SERP2: variants seen among roughly 807,000 people sequenced by gnomAD.
SERP2 encodes the protein stress-associated endoplasmic reticulum protein 2.
SERP2 carries 6 observed loss-of-function variants against 9.1 expected under a neutral mutation model. The ratio of observed to expected loss-of-function variants is 0.66; its 90% CI spans 0.36 to 1.30. SERP2 has a LOEUF of 1.30. Ranked by LOEUF, SERP2 falls within the 50% of genes most tolerant of loss-of-function variation. SERP2 has a pLI of 0.03. For missense variants in SERP2, 58 were observed against 81.9 expected (o/e 0.71, Z 1.13); for synonymous variants, 37 against 27.3 (o/e 1.35, Z -1.10).
chr13:44,389,318 C>T (rs1043343829), intron 2 of SERP2, among the ~76,000 whole-genome samples: 8 of 152,092 alleles, frequency 5.3e-5, no homozygotes, highest in Admixed American at 1.3e-4. Context: ...ATACTTACAC[C>T]GACTCTAAGA....
At chr13:44,395,919 C>T in intron 2 of SERP2, 1 of 447,564 alleles carries the variant, frequency 2.2e-6, no homozygotes, top group Non-Finnish European at 4.5e-6. Context: ...GAAATGGGAG[C>T]CCAGAAGTGC....
At chr13:44,384,160 C>T (rs904613119) in intron 2 of SERP2, among the ~76,000 whole-genome samples, 1 of 152,072 alleles carries the variant, frequency 6.6e-6, no homozygotes, top group African/African-American at 2.4e-5. Flanking sequence ...TGTGCCCTTC[C>T]TTCTATCTTT....
chr13:44,378,601 T>G (rs143651120), intron 1 of SERP2, among the ~76,000 whole-genome samples: 1 of 152,342 alleles, frequency 6.6e-6, no homozygotes, highest in African/African-American at 2.4e-5. Context: ...TGTGAATTCT[T>G]TAACGTGTGT....
At chr13:44,383,546 T>TTTTG (rs1566091619) in intron 2 of SERP2, among the ~76,000 whole-genome samples, 10 of 112,368 alleles carry the variant, frequency 8.9e-5, no homozygotes, top group Non-Finnish European at 1.4e-4. Context: ...AGGTTTGCGT[T>TTTTG]TTTTTTGTTT....
At chr13:44,374,162 GGCGGAAGGTGGGGGC>G in intron 1 of SERP2, 53 bp downstream of exon 1, 1 of 520,330 alleles carries the variant, frequency 1.9e-6, no homozygotes, top group Non-Finnish European at 3.1e-6. Context: ...GGCGGGGTGG[GGCGGAAGGTGGGGGC>G]GGGGCCGGGC....
At chr13:44,394,804 G>A (rs1050310801) in intron 2 of SERP2, among the ~76,000 whole-genome samples, 4 of 152,214 alleles carry the variant, frequency 2.6e-5, no homozygotes, top group African/African-American at 9.6e-5. Flanking sequence ...GGGACAGGGA[G>A]AAGCAGCAGT....
At chr13:44,392,804 C>A (rs1200707515) in intron 2 of SERP2, among the ~76,000 whole-genome samples, 1 of 152,094 alleles carries the variant, frequency 6.6e-6, no homozygotes, top group East Asian at 1.9e-4. Context: ...TGGAGATACA[C>A]ATTTGTGCAT....
At chr13:44,383,741 C>T (rs1214833245) in intron 2 of SERP2, among the ~76,000 whole-genome samples, 6 of 147,902 alleles carry the variant, frequency 4.1e-5, no homozygotes, top group African/African-American at 7.5e-5. Flanking sequence ...TTAGTAGTGA[C>T]GGGGTTTCAC....
intron 2 of SERP2, among the ~76,000 whole-genome samples, chr13:44,385,446 G>A (rs973991362): frequency 4.6e-5 from 7 of 152,212 alleles, no homozygotes; most frequent in African/African-American, 1.2e-4. Flanking sequence ...AGATCTGAGC[G>A]CACCCAAGCC....
chr13:44,396,479 T>A (rs969376324), intron 2 of SERP2, among the ~76,000 whole-genome samples: 2 of 151,002 alleles, frequency 1.3e-5, no homozygotes, highest in Admixed American at 1.3e-4. Flanking sequence ...GTTACTCTTA[T>A]CATTACCATC....
intron 2 of SERP2, among the ~76,000 whole-genome samples, chr13:44,396,787 G>C (rs74067808): frequency 0.014 from 2,123 of 152,370 alleles, 58 homozygotes; most frequent in African/African-American, 0.049. Flanking sequence ...CACGCATGGA[G>C]GGTTCTAGGC....
At chr13:44,378,752 T>G (rs1474630543) in intron 1 of SERP2, among the ~76,000 whole-genome samples, 3 of 152,210 alleles carry the variant, frequency 2.0e-5, no homozygotes, top group Non-Finnish European at 4.4e-5. Context: ...TTGTTCTGAC[T>G]GATTTGGGTT....
intron 2 of SERP2, among the ~76,000 whole-genome samples, chr13:44,383,351 C>T (rs2138784985): frequency 6.6e-6 from 1 of 152,302 alleles, no homozygotes; most frequent in East Asian, 1.9e-4. Context: ...CCATCTCTTC[C>T]TTTTTGGAGG....
intron 2 of SERP2, among the ~76,000 whole-genome samples, chr13:44,389,453 G>C (rs770010518): frequency 7.2e-5 from 11 of 152,162 alleles, no homozygotes; most frequent in Non-Finnish European, 1.6e-4. Context: ...GACAGTATTG[G>C]CTTTATAAGT....
intron 2 of SERP2, 56 bp downstream of exon 2, chr13:44,379,769 A>G: frequency 8.2e-7 from 1 of 1,213,742 alleles, no homozygotes; most frequent in Non-Finnish European, 1.2e-6. Context: ...TTTGAAAAAC[A>G]CACGTTTTCT....
chr13:44,374,160 G>GA (rs1251767775), intron 1 of SERP2, 51 bp downstream of exon 1: 1 of 582,810 alleles, frequency 1.7e-6, no homozygotes. Context: ...CCGGCGGGGT[G>GA]GGGCGGAAGG....
intron 2 of SERP2, among the ~76,000 whole-genome samples, chr13:44,387,793 G>A (rs958444234): frequency 6.6e-6 from 1 of 152,118 alleles, no homozygotes; most frequent in Admixed American, 6.5e-5. Context: ...CTCTCAGAGG[G>A]AAACTCTTAA....
intron 2 of SERP2, chr13:44,396,213 C>A: frequency 6.0e-6 from 1 of 166,624 alleles, no homozygotes; most frequent in Non-Finnish European, 1.3e-5. Context: ...CTCTTTCTAT[C>A]CTTGAAGCGC....
At position 44,374,105 on chromosome 13, in the gene SERP2, C is replaced by A; in HGVS notation, c.80C>A (p.Thr27Asn). Residue 27 changes from threonine to asparagine, a missense_variant, in exon 1 of 3, where the codon ACC becomes AAC. Coordinates refer to ENST00000379179, the MANE Select transcript of SERP2 (RefSeq NM_001010897.3). ...ACCCAGAGGGGGAACGTAGCCAAAA[C>A]CCTGGTAAGGCGGGGTCGGCGCCGG... ...NITQRGNVAK[T>N]LRPQEEKYPV... is the part of the protein sequence containing the mutation. 1 of 1,570,624 alleles carries A rather than the reference C, an allele frequency of 6.4e-7. No homozygotes were observed. Among genetic ancestry groups the A allele is most frequent in the Non-Finnish European group, 8.6e-7 (1 of 1,160,326 alleles).
Sources: allele counts gnomAD v4.1 joint callset (sites outside exome capture counted in the v4.1 genomes callset), GRCh38; gene constraint gnomAD v4.1.1; transcripts MANE v1.5; gene names NCBI Gene and HGNC (gene_info 2026-07-23, HGNC 2026-07-21).